The following PDE11A variants were observed in gnomAD, a reference collection of about 807,000 sequenced individuals.
PDE11A encodes dual 3',5'-cyclic-AMP and -GMP phosphodiesterase 11A.
A neutral mutation model predicts 100.5 loss-of-function variants in PDE11A; 100 were observed. That is an observed-to-expected ratio of 1.00 (90% CI 0.85 to 1.18). The LOEUF is 1.18. PDE11A is among the 50% of genes most tolerant of loss of function. The probability of loss-of-function intolerance (pLI) is 0.00; values close to 1 mark genes in which losing one functional copy is unlikely to be tolerated. For missense variants in PDE11A, 1,141 were observed against 1,152.6 expected, an observed-to-expected ratio of 0.99 and a Z score of 0.15; for synonymous variants, 381 against 420.8, an observed-to-expected ratio of 0.91 and a Z score of 1.16.
intron 1 of PDE11A, among the ~76,000 whole-genome samples, chr2:178,017,769 G>A (rs2086357231): frequency 6.6e-6 from 1 of 152,036 alleles, no homozygotes; most frequent in Non-Finnish European, 1.5e-5. Context: ...GACCAGCCTG[G>A]CCAGCATGGT....
intron 1 of PDE11A, among the ~76,000 whole-genome samples, chr2:178,041,336 C>T (rs538615651): frequency 9.2e-5 from 14 of 151,712 alleles, no homozygotes; most frequent in African/African-American, 2.9e-4. Flanking sequence ...CTCTGCCTCC[C>T]GGGTTCAAGC....
At chr2:177,990,295 T>C (rs1448530065) in intron 2 of PDE11A, among the ~76,000 whole-genome samples, 1 of 152,228 alleles carries the variant, frequency 6.6e-6, no homozygotes, top group Non-Finnish European at 1.5e-5. Flanking sequence ...TATCGGACTT[T>C]GTGGTTCCTG....
chr2:178,049,137 T>G (rs1382135860), intron 1 of PDE11A, among the ~76,000 whole-genome samples: 1 of 152,248 alleles, frequency 6.6e-6, no homozygotes, highest in East Asian at 1.9e-4. Flanking sequence ...AATATTTGAA[T>G]GTAACCTTAA....
intron 13 of PDE11A, among the ~76,000 whole-genome samples, chr2:177,706,234 T>C (rs16865694): frequency 0.017 from 2,600 of 152,328 alleles, 65 homozygotes; most frequent in African/African-American, 0.059. Flanking sequence ...TGTCCCTTGC[T>C]AAATGTCTCC....
intron 2 of PDE11A, among the ~76,000 whole-genome samples, chr2:177,936,465 C>T (rs1332309975): frequency 6.6e-6 from 1 of 152,174 alleles, no homozygotes; most frequent in Non-Finnish European, 1.5e-5. Context: ...TTAAGCAAAG[C>T]GTTTCACTTA....
intron 19 of PDE11A, among the ~76,000 whole-genome samples, chr2:177,644,112 C>T (rs1217019736): frequency 6.6e-6 from 1 of 152,208 alleles, no homozygotes; most frequent in African/African-American, 2.4e-5. Flanking sequence ...ACACAGAGTC[C>T]CCACCTGGGC....
At chr2:178,097,544 C>A (rs2087510682) in intron 2 of PDE11A, among the ~76,000 whole-genome samples, 1 of 152,102 alleles carries the variant, frequency 6.6e-6, no homozygotes, top group Non-Finnish European at 1.5e-5. Context: ...CCACCCGGTC[C>A]CTCCCTCGAC....
At chr2:177,631,297 A>AC (rs1553528945) in intron 19 of PDE11A, among the ~76,000 whole-genome samples, 1 of 14,236 alleles carries the variant, frequency 7.0e-5, no homozygotes, top group African/African-American at 1.0e-4. Context: ...AATGCAAAAA[A>AC]AAAAAAAAAA....
At chr2:177,935,795 G>A (rs13428032) in intron 2 of PDE11A, among the ~76,000 whole-genome samples, 13,161 of 152,192 alleles carry the variant, frequency 0.086, 540 homozygotes, top group South Asian at 0.1. Flanking sequence ...GCGATGTTGA[G>A]CAAAATAATT....
In PDE11A at chr2:177,875,903, G is replaced by A. The variant is rs1239581751; in HGVS notation, c.1323C>T (p.Ser441=). Residue 441 remains serine, a synonymous_variant, in exon 5 of 20, where the codon TCC becomes TCT. Coordinates refer to ENST00000286063, the MANE Select transcript of PDE11A (RefSeq NM_016953.4). ...TGCACTTTGGGGACATCAATTCAAA[G>A]GATTTGGTAAATTTCACCACCTGTC... ...IESPVVKFTK[S]FELMSPKCSA... is the part of the protein sequence containing the mutation. The A allele has an allele frequency of 6.2e-7, 1 of 1,611,494 alleles. No individual in the cohort carries two copies. Among genetic ancestry groups the A allele is most frequent in the African/African-American group, 1.3e-5 (1 of 74,926 alleles).
intron 12 of PDE11A, among the ~76,000 whole-genome samples, chr2:177,716,132 T>G (rs181285533): frequency 2.8e-4 from 42 of 152,330 alleles, no homozygotes; most frequent in Admixed American, 1.9e-3. Context: ...TTATTTTGAG[T>G]GTGCACCTCA....
At chr2:177,762,801 T>C (rs1449178207) in intron 10 of PDE11A, among the ~76,000 whole-genome samples, 1 of 152,066 alleles carries the variant, frequency 6.6e-6, no homozygotes, top group African/African-American at 2.4e-5. Flanking sequence ...AAGTGACAAA[T>C]AGTGGCTGCT....
intron 18 of PDE11A, among the ~76,000 whole-genome samples, chr2:177,668,658 A>G (rs1438362782): frequency 1.3e-5 from 2 of 152,224 alleles, no homozygotes; most frequent in Non-Finnish European, 2.9e-5. Flanking sequence ...AATGTCAGCA[A>G]AGAAGGATGT....
chr2:177,639,087 GC>G (rs2080099127), intron 19 of PDE11A, among the ~76,000 whole-genome samples: 1 of 152,086 alleles, frequency 6.6e-6, no homozygotes, highest in Non-Finnish European at 1.5e-5. Context: ...AGATCACTGG[GC>G]TCTGCCTGGA....
chr2:177,660,097 T>TTCTTTCTTTCTCTC (rs1406827529), intron 19 of PDE11A, among the ~76,000 whole-genome samples: 3 of 69,286 alleles, frequency 4.3e-5, no homozygotes, highest in African/African-American at 1.7e-4. Context: ...CTTTCTTTCT[T>TTCTTTCTTTCTCTC]TCTCTCTCTC....
chr2:177,845,140 C>T (rs540767659), intron 5 of PDE11A, among the ~76,000 whole-genome samples: 2,607 of 151,468 alleles, frequency 0.017, 33 homozygotes, highest in Non-Finnish European at 0.027. Flanking sequence ...CCTCACCTCC[C>T]GGACGGGGCG....
At chr2:177,760,259 T>C (rs892971778) in intron 10 of PDE11A, among the ~76,000 whole-genome samples, 5 of 152,242 alleles carry the variant, frequency 3.3e-5, no homozygotes, top group African/African-American at 1.2e-4. Flanking sequence ...AATTTCTTAG[T>C]ACTTAAGACA....
chr2:178,003,586 T>C (rs537916092), intron 2 of PDE11A, among the ~76,000 whole-genome samples: 1 of 151,884 alleles, frequency 6.6e-6, no homozygotes, highest in African/African-American at 2.4e-5. Flanking sequence ...CTGGGGGAAA[T>C]GGGGAGTGAC....
chr2:177,850,810 G>T (rs1432052405), intron 5 of PDE11A, among the ~76,000 whole-genome samples: 1 of 152,150 alleles, frequency 6.6e-6, no homozygotes, highest in African/African-American at 2.4e-5. Context: ...GGCCATCAGA[G>T]AAATGCAAAT....
Sources: allele counts gnomAD v4.1 joint callset (sites outside exome capture counted in the v4.1 genomes callset), GRCh38; gene constraint gnomAD v4.1.1; transcripts MANE v1.5; gene names NCBI Gene and HGNC (gene_info 2026-07-23, HGNC 2026-07-21).